The following AMMECR1 variants were observed in gnomAD, a reference collection of about 807,000 sequenced individuals.
The protein encoded by AMMECR1 is AMMECR nuclear protein 1, also known as nuclear protein AMMECR1.
Under a neutral mutation model 22.5 loss-of-function variants are expected in AMMECR1, and 3 were observed. The ratio of observed to expected loss-of-function variants is 0.13; its 90% confidence interval spans 0.06 to 0.35. The LOEUF (loss-of-function observed/expected upper bound fraction) is 0.35. Ranked by LOEUF, AMMECR1 falls within the 10% of genes least tolerant of loss-of-function variation. The pLI, the probability that AMMECR1 is intolerant of heterozygous loss-of-function variation, is 1.00. For missense variants in AMMECR1, 235 were observed against 278.7 expected (o/e 0.84, Z 1.12); for synonymous variants, 130 against 116.7 (o/e 1.11, Z -0.74).
At chrX:110,282,116 T>C (rs1443278944) in intron 1 of AMMECR1, among the ~76,000 whole-genome samples, 3 of 111,971 alleles carry the variant, frequency 2.7e-5, no homozygotes, top group Non-Finnish European at 3.8e-5. Flanking sequence ...AACAGCTTTC[T>C]CTGACCTCTA....
intron 1 of AMMECR1, among the ~76,000 whole-genome samples, chrX:110,271,209 C>A (rs1180577012): frequency 8.9e-6 from 1 of 112,345 alleles, no homozygotes; most frequent in Non-Finnish European, 1.9e-5. Context: ...TAAGATCATA[C>A]TGCTTAGATA....
intron 1 of AMMECR1, among the ~76,000 whole-genome samples, chrX:110,270,142 C>T (rs2067791236): frequency 9.0e-6 from 1 of 111,491 alleles, no homozygotes; most frequent in African/African-American, 3.3e-5. Flanking sequence ...ATCTTCATGA[C>T]TTCATTAAAC....
intron 2 of AMMECR1, among the ~76,000 whole-genome samples, chrX:110,383,288 G>T (rs952221668): frequency 9.0e-6 from 1 of 110,916 alleles, no homozygotes; most frequent in Admixed American, 9.6e-5. Flanking sequence ...CCTTTCCAAA[G>T]AGTATAAACT....
At chrX:110,227,610 A>T (rs188124320) in intron 2 of AMMECR1, among the ~76,000 whole-genome samples, 117 of 111,589 alleles carry the variant, frequency 1.0e-3, no homozygotes, top group Non-Finnish European at 1.5e-3. Flanking sequence ...TAGTAAGGTA[A>T]GGAAGAAAGA....
At chrX:110,376,549 G>T (rs192227787) in intron 2 of AMMECR1, among the ~76,000 whole-genome samples, 3 of 112,078 alleles carry the variant, frequency 2.7e-5, no homozygotes, top group Non-Finnish European at 5.6e-5. Context: ...TTTGGAGAGA[G>T]CCATGGTGCC....
intron 2 of AMMECR1, among the ~76,000 whole-genome samples, chrX:110,398,123 G>T (rs765710307): frequency 4.5e-4 from 50 of 112,199 alleles, no homozygotes; most frequent in Non-Finnish European, 7.9e-4. Context: ...TTCTGGCAAT[G>T]TGTGATGCAT....
intron 2 of AMMECR1, among the ~76,000 whole-genome samples, chrX:110,419,323 T>G (rs2068701244): frequency 8.9e-6 from 1 of 112,553 alleles, no homozygotes; most frequent in Non-Finnish European, 1.9e-5. Context: ...CTGCCCTTCC[T>G]CTTGCTTTTG....
intron 2 of AMMECR1, among the ~76,000 whole-genome samples, chrX:110,423,487 G>A (rs749965623): frequency 3.6e-5 from 4 of 112,053 alleles, no homozygotes; most frequent in Non-Finnish European, 7.5e-5. Context: ...TCTCCAGGCT[G>A]GCAGGTCACA....
intron 1 of AMMECR1, among the ~76,000 whole-genome samples, chrX:110,432,400 C>T (rs963118550): frequency 8.9e-6 from 1 of 111,972 alleles, no homozygotes; most frequent in African/African-American, 3.3e-5. Flanking sequence ...AGGCAATCCC[C>T]AAGGGTGAGT....
At chrX:110,372,748 A>C (rs1008907236) in intron 2 of AMMECR1, among the ~76,000 whole-genome samples, 5 of 112,075 alleles carry the variant, frequency 4.5e-5, no homozygotes. Flanking sequence ...CAGAAGCAAG[A>C]AAGGAAAACT....
Position 110,350,842 on chromosome X carries a change from C to T in AMMECR1, c.-147-32993G>A, listed in dbSNP as rs184001414. Among the ~76,000 whole-genome samples the T allele has an allele frequency of 1.2e-3, 129 of 109,802 alleles. 1 individual carries two copies. Among genetic ancestry groups the T allele is most frequent in the African/African-American group, 4.1e-3 (123 of 30,136 alleles). On this transcript the variant is annotated intron_variant, in intron 2 of 7. Transcript: ENST00000372057. ...AAAAAATTAGCTGGGCATGGTGGCA[C>T]GCACCCTGTGATCCCAGCTACTCAG... is the stretch of plus-strand genomic sequence containing the variant.
At chrX:110,203,744 A>G (rs927860654) in intron 3 of AMMECR1, among the ~76,000 whole-genome samples, 5 of 110,750 alleles carry the variant, frequency 4.5e-5, no homozygotes, top group African/African-American at 1.6e-4. Flanking sequence ...GTCAATGAAA[A>G]CTTCTTTTGC....
At chrX:110,263,118 T>G (rs2148197815) in intron 2 of AMMECR1, among the ~76,000 whole-genome samples, 1 of 111,211 alleles carries the variant, frequency 9.0e-6, no homozygotes, top group South Asian at 3.8e-4. Context: ...TGATTAGTAT[T>G]AAATGTGTAA....
intron 2 of AMMECR1, among the ~76,000 whole-genome samples, chrX:110,371,670 T>C (rs187429207): frequency 9.0e-6 from 1 of 111,437 alleles, no homozygotes; most frequent in African/African-American, 3.3e-5. Context: ...GCGTATTTAT[T>C]CTCCTGGCTC....
At chrX:110,290,495 A>C (rs2067901986) in intron 1 of AMMECR1, among the ~76,000 whole-genome samples, 1 of 112,348 alleles carries the variant, frequency 8.9e-6, no homozygotes, top group Non-Finnish European at 1.9e-5. Flanking sequence ...TATGTAATAG[A>C]AAACACATTT....
rs954191596 is a variant in AMMECR1, at chrX:110,228,801, C to T, written c.585-12169G>A. On this transcript the variant is annotated intron_variant, in intron 2 of 5. Coordinates refer to ENST00000262844, the MANE Select transcript of AMMECR1 (RefSeq NM_015365.3). ...CCACTCCCTCCTCATCTTGCTTATA[C>T]GCTCCTAGTAGGGGCTGGTCTCACC... Among the ~76,000 whole-genome samples the T allele has an allele frequency of 1.8e-4, 20 of 112,046 alleles. 1 individual carries two copies. Among genetic ancestry groups the T allele is most frequent in the Non-Finnish European group, 3.6e-4 (19 of 53,210 alleles).
At chrX:110,291,408 C>G (rs1445541780) in intron 1 of AMMECR1, among the ~76,000 whole-genome samples, 1 of 110,812 alleles carries the variant, frequency 9.0e-6, no homozygotes, top group African/African-American at 3.3e-5. Flanking sequence ...CACCTGTAGT[C>G]CTAGCTACTC....
intron 2 of AMMECR1, among the ~76,000 whole-genome samples, chrX:110,361,060 T>A (rs944621696): frequency 2.7e-5 from 3 of 110,734 alleles, no homozygotes; most frequent in Non-Finnish European, 5.7e-5. Context: ...TCAACTTGCA[T>A]GCCTAATAGG....
At position 110,409,323 on chromosome X, in the gene AMMECR1, C is replaced by T. The variant is rs184165500; in HGVS notation, c.-148+17335G>A. Among the ~76,000 whole-genome samples, 198 of 111,297 alleles carry T rather than the reference C, an allele frequency of 1.8e-3. No individual in the cohort carries two copies. The Middle Eastern group carries it at 0.023, about 13-fold the overall frequency. ...TCAAGGCCCAGGGCTTCCTACAGTC[C>T]TCTTATCTTGAGACATGCTGGAGCC... On this transcript the variant is annotated intron_variant, in intron 2 of 7. Coordinates refer to the AMMECR1 transcript ENST00000372057.
Sources: gnomAD v4.1 joint callset for allele counts (sites outside exome capture counted in the v4.1 genomes callset) on GRCh38, gnomAD v4.1.1 for gene constraint, MANE v1.5 for transcripts, NCBI Gene and HGNC (gene_info 2026-07-23, HGNC 2026-07-21) for gene names.